Variants in ANKS6 observed in about 807,000 individuals in gnomAD.
ANKS6 encodes ankyrin repeat and sterile alpha motif domain containing 6, also known as ankyrin repeat and SAM domain-containing protein 6.
In ANKS6, 47 loss-of-function variants were observed where a neutral mutation model predicts 77.9. The observed-to-expected ratio is 0.60, with a 90% CI of 0.48 to 0.77. The LOEUF is 0.77. Among genes scored for constraint, ANKS6 ranks in the 30% least tolerant of loss-of-function variants. The pLI is 0.00. For synonymous variants in ANKS6, 488 were observed against 501.7 expected (o/e 0.97, Z 0.37); for missense variants, 1,150 against 1,159.1 (o/e 0.99, Z 0.11).
chr9:98,784,991 T>A, intron 2 of ANKS6, 115 bp from the exon 3 acceptor site: 2 of 929,858 alleles, frequency 2.2e-6, no homozygotes, highest in Non-Finnish European at 3.3e-6. Context: ...TCAAAAGCAA[T>A]CTAATTGGAG....
At chr9:98,741,312 G>A (rs1211356567) in intron 14 of ANKS6, among the ~76,000 whole-genome samples, 2 of 152,130 alleles carry the variant, frequency 1.3e-5, no homozygotes, top group African/African-American at 4.8e-5. Context: ...AAAATTTAAG[G>A]GTGTGGTGAT....
At chr9:98,794,271 G>C (rs1835061724) in intron 1 of ANKS6, among the ~76,000 whole-genome samples, 2 of 152,146 alleles carry the variant, frequency 1.3e-5, no homozygotes, top group Non-Finnish European at 2.9e-5. Flanking sequence ...CAGAGAGCTG[G>C]GACGATAAAT....
At chr9:98,767,039 C>G (rs1833340984) in intron 11 of ANKS6, among the ~76,000 whole-genome samples, 1 of 152,180 alleles carries the variant, frequency 6.6e-6, no homozygotes, top group Admixed American at 6.5e-5. Flanking sequence ...TCTGGGGGCT[C>G]ACCCAGAAAT....
At position 98,777,428 on chromosome 9, in the gene ANKS6, C is replaced by T; in HGVS notation, c.1594G>A (p.Glu532Lys). Residue 532 changes from glutamate to lysine, a missense_variant, in exon 8 of 15, where the codon GAA becomes AAA. By Grantham distance (56) the Glu-to-Lys change is moderately conservative. Transcript: ENST00000353234. ...NGPGSTRGEKEDTLLTTMLRN... is the reference protein window; with the variant it reads ...NGPGSTRGEKKDTLLTTMLRN... ...ACCATGGTTGTCAATAACGTGTCTTCCTTTTCTCCTCTTGTGCTCCCAGGA... is the reference window on the plus strand; with the variant it reads ...ACCATGGTTGTCAATAACGTGTCTTTCTTTTCTCCTCTTGTGCTCCCAGGA... 6.2e-7 allele frequency: 1 copy of T among 1,614,176 alleles called. No individual in the cohort carries two copies. The highest frequency in any genetic ancestry group is 1.3e-5 in the African/African-American group (1 of 75,042).
At chr9:98,743,886 T>C (rs1037728706) in intron 14 of ANKS6, among the ~76,000 whole-genome samples, 9 of 152,236 alleles carry the variant, frequency 5.9e-5, no homozygotes. Context: ...GAGACTGTTT[T>C]GGTTGATTCA....
chr9:98,737,232 G>A (rs190465303), intron 14 of ANKS6, among the ~76,000 whole-genome samples: 3 of 152,276 alleles, frequency 2.0e-5, no homozygotes, highest in Admixed American at 1.3e-4. Context: ...AATACTCAGA[G>A]GTTAAGAACA....
At chr9:98,736,895 G>A (rs945259734) in intron 14 of ANKS6, among the ~76,000 whole-genome samples, 12 of 152,196 alleles carry the variant, frequency 7.9e-5, no homozygotes, top group South Asian at 2.1e-4. Context: ...GGCCGAGTCC[G>A]GGGCAGGACT....
Position 98,790,625 on chromosome 9 carries a change from A to G in ANKS6, c.360-19T>C. 1 of 1,590,130 alleles carries G rather than the reference A, an allele frequency of 6.3e-7. No individual in the cohort carries two copies. Among genetic ancestry groups the G allele is most frequent in the South Asian group, 1.1e-5 (1 of 89,238 alleles). On this transcript the variant is annotated intron_variant, in intron 1 of 14. Transcript: ENST00000353234. ...CCCAAATCTGCCAGGAAGATGGAGAATTAGTGACACTGAACACACAGCACT... is the reference window on the plus strand; with the variant it reads ...CCCAAATCTGCCAGGAAGATGGAGAGTTAGTGACACTGAACACACAGCACT...
intron 5 of ANKS6, 136 bp downstream of exon 5, chr9:98,782,331 T>A: frequency 1.3e-6 from 1 of 780,754 alleles, no homozygotes; most frequent in East Asian, 2.7e-5. Context: ...TGCAGTAAGC[T>A]CCTGACACTT....
chr9:98,743,259 C>T (rs1831937125), intron 14 of ANKS6, among the ~76,000 whole-genome samples: 1 of 152,134 alleles, frequency 6.6e-6, no homozygotes, highest in Admixed American at 6.5e-5. Context: ...AACGCCTGGG[C>T]CACAGCCCTC....
chr9:98,762,087 C>T (rs111810081), intron 11 of ANKS6, among the ~76,000 whole-genome samples: 1 of 152,142 alleles, frequency 6.6e-6, no homozygotes, highest in East Asian at 1.9e-4. Context: ...TGATTCCACA[C>T]ATATTAGATT....
chr9:98,755,974 T>C (rs1832677173), intron 12 of ANKS6, among the ~76,000 whole-genome samples: 1 of 151,966 alleles, frequency 6.6e-6, no homozygotes, highest in Admixed American at 6.6e-5. Context: ...CTGGAAACAC[T>C]CCCAAAGCAC....
chr9:98,761,690 T>C (rs1192881786), intron 11 of ANKS6, among the ~76,000 whole-genome samples: 1 of 152,212 alleles, frequency 6.6e-6, no homozygotes, highest in Non-Finnish European at 1.5e-5. Context: ...CTTTCTCCAC[T>C]GAATTGCCTT....
At chr9:98,782,905 G>A (rs1288825315) in intron 4 of ANKS6, among the ~76,000 whole-genome samples, 4 of 152,018 alleles carry the variant, frequency 2.6e-5, no homozygotes, top group Non-Finnish European at 5.9e-5. Flanking sequence ...CAACATGGGG[G>A]GCCCTGTCTC....
Position 98,734,268 on chromosome 9 carries a change from TG to T in ANKS6, c.*2250del, listed in dbSNP as rs899304090. On this transcript the variant is annotated 3_prime_UTR_variant, in exon 15 of 15. Coordinates refer to ENST00000353234, the MANE Select transcript of ANKS6 (RefSeq NM_173551.5). ...AGCCTCTGCTGTCCTGTCTGCAAAA[TG>T]GGAATAGCCCCGCTCTGTCCAGGGT... The T allele has an allele frequency of 6.1e-6, 6 of 985,294 alleles. No individual in the cohort carries two copies. The highest frequency in any genetic ancestry group is 6.1e-5 in the Admixed American group (1 of 16,268). 61.0% of individuals were successfully genotyped at this position (985,294 alleles called of 1,614,324 possible). A position where few individuals can be genotyped will look rare whatever the true frequency, so the allele number is the denominator to read the frequency against.
Position 98,734,202 on chromosome 9 carries a change from C to T in ANKS6, c.*2317G>A. 1 of 985,480 alleles carries T rather than the reference C, an allele frequency of 1.0e-6. No homozygotes were observed. Among genetic ancestry groups the T allele is most frequent in the Non-Finnish European group, 1.2e-6 (1 of 829,992 alleles). The allele number at this position is 985,480 out of a possible 1,614,324, so 61.0% of individuals were successfully genotyped here. On this transcript the variant is annotated 3_prime_UTR_variant, in exon 15 of 15. Coordinates refer to ENST00000353234, the MANE Select transcript of ANKS6 (RefSeq NM_173551.5). ...ACTTCCTAGGATGAAAAGCCTTGGA[C>T]ACTTGAGTCCAGTGAAAAAGAAAGG... is the stretch of plus-strand genomic sequence containing the variant.
chr9:98,761,977 T>C (rs1170679179), intron 11 of ANKS6, among the ~76,000 whole-genome samples: 1 of 152,200 alleles, frequency 6.6e-6, no homozygotes, highest in Non-Finnish European at 1.5e-5. Context: ...ATTTAATCTG[T>C]AGATCAAATT....
chr9:98,788,506 C>T (rs558991890), intron 2 of ANKS6, among the ~76,000 whole-genome samples: 1 of 152,316 alleles, frequency 6.6e-6, no homozygotes, highest in Admixed American at 6.5e-5. Flanking sequence ...AGAGCAATGG[C>T]CTTGTGTCAA....
Position 98,756,431 on chromosome 9 carries a change from A to G in ANKS6, c.2315T>C (p.Ile772Thr). 1 of 1,613,180 alleles carries G rather than the reference A, an allele frequency of 6.2e-7. No individual in the cohort carries two copies. The highest frequency in any genetic ancestry group is 8.5e-7 in the Non-Finnish European group (1 of 1,179,532). Reference protein sequence around the residue: ...KSSGGSSSGTITDEDELTGIL... With the variant: ...KSSGGSSSGTTTDEDELTGIL... The stretch of plus-strand genomic sequence containing the variant: ...CTCAGGGGACTCACCCTCATCTGTG[A>G]TGGTGCCACTGCTGGAGCCCCCACT... The change falls in exon 12 of 15, where the codon ATC becomes ACC. Residue 772 changes from isoleucine (I) to threonine (T), a missense_variant. Coordinates refer to ENST00000353234, the MANE Select transcript of ANKS6 (RefSeq NM_173551.5).
Sources: gnomAD v4.1 joint callset for allele counts (sites outside exome capture counted in the v4.1 genomes callset) on GRCh38, gnomAD v4.1.1 for gene constraint, MANE v1.5 for transcripts, NCBI Gene and HGNC (gene_info 2026-07-23, HGNC 2026-07-21) for gene names.